Variants in DIAPH2 observed in about 807,000 individuals in gnomAD.
DIAPH2 encodes protein diaphanous homolog 2.
DIAPH2 carries 35 observed loss-of-function variants against 92.7 expected under a neutral mutation model. That is an observed-to-expected ratio of 0.38 (90% CI 0.29 to 0.50). The LOEUF (loss-of-function observed/expected upper bound fraction) is 0.50. Among genes scored for constraint, DIAPH2 ranks in the 20% least tolerant of loss-of-function variants. DIAPH2 has a pLI of 0.94. For synonymous variants in DIAPH2, 301 were observed against 280.4 expected (o/e 1.07, Z -0.73); for missense variants, 701 against 819.5 (o/e 0.86, Z 1.77).
chrX:96,984,157 G>A (rs1370768855), intron 17 of DIAPH2, among the ~76,000 whole-genome samples: 3 of 111,748 alleles, frequency 2.7e-5, no homozygotes, highest in South Asian at 3.7e-4. Flanking sequence ...TATGTGGAAG[G>A]GAAAGGTAAT....
At chrX:96,896,312 A>T (rs1335737878) in intron 5 of DIAPH2, among the ~76,000 whole-genome samples, 1 of 111,760 alleles carries the variant, frequency 8.9e-6, no homozygotes, top group Non-Finnish European at 1.9e-5. Context: ...ATATTTGTTC[A>T]TGAAAGGAAA....
chrX:97,165,579 T>C (rs1487042257), intron 22 of DIAPH2, among the ~76,000 whole-genome samples: 1 of 110,692 alleles, frequency 9.0e-6, no homozygotes, highest in African/African-American at 3.3e-5. Flanking sequence ...CTGCAACCTC[T>C]GTCCCCCGGG....
chrX:97,432,919 G>A (rs544914431), intron 26 of DIAPH2, among the ~76,000 whole-genome samples: 4 of 112,243 alleles, frequency 3.6e-5, no homozygotes, highest in Admixed American at 1.9e-4. Flanking sequence ...CACTGTGCCC[G>A]GCCATCTAAT....
At chrX:96,981,682 T>C (rs1264783863) in intron 17 of DIAPH2, among the ~76,000 whole-genome samples, 1 of 111,905 alleles carries the variant, frequency 8.9e-6, no homozygotes, top group Non-Finnish European at 1.9e-5. Flanking sequence ...AGCAGGGTGA[T>C]TCCGTAGCCT....
chrX:97,425,927 C>T (rs1478605623), intron 25 of DIAPH2, among the ~76,000 whole-genome samples: 4 of 109,691 alleles, frequency 3.6e-5, no homozygotes, highest in African/African-American at 6.6e-5. Context: ...TCTATTCTAT[C>T]CTTCTTCTAA....
chrX:96,913,068 A>G (rs773090982), intron 7 of DIAPH2, among the ~76,000 whole-genome samples: 58 of 110,626 alleles, frequency 5.2e-4, no homozygotes, highest in South Asian at 4.2e-3. Context: ...AAATCTTTTA[A>G]AAAATGGAGC....
chrX:97,538,936 A>T (rs189948859), intron 26 of DIAPH2, among the ~76,000 whole-genome samples: 150 of 112,396 alleles, frequency 1.3e-3, no homozygotes, highest in African/African-American at 4.5e-3. Flanking sequence ...TACTGAGAAT[A>T]ACTTGAACTA....
At chrX:97,256,655 T>TTTTGTTTG (rs750363840) in intron 23 of DIAPH2, among the ~76,000 whole-genome samples, 1 of 111,414 alleles carries the variant, frequency 9.0e-6, no homozygotes, top group African/African-American at 3.3e-5. Context: ...TTTCTTCTGT[T>TTTTGTTTG]TTTGTTTGTT....
intron 20 of DIAPH2, among the ~76,000 whole-genome samples, chrX:97,107,178 T>C (rs944555237): frequency 1.4e-4 from 16 of 111,565 alleles, no homozygotes; most frequent in African/African-American, 4.6e-4. Flanking sequence ...TTTTTTCTTT[T>C]TCTTTTTCTT....
At chrX:96,980,364 A>G (rs753019058) in intron 17 of DIAPH2, among the ~76,000 whole-genome samples, 1 of 111,088 alleles carries the variant, frequency 9.0e-6, no homozygotes, top group South Asian at 3.9e-4. Context: ...AAGTCCTGCC[A>G]ATCAAGCCGT....
intron 22 of DIAPH2, among the ~76,000 whole-genome samples, chrX:97,188,094 G>A (rs550512189): frequency 1.8e-5 from 2 of 111,961 alleles, no homozygotes; most frequent in Admixed American, 9.5e-5. Context: ...CTTTGGAGTA[G>A]AAGACGAAGA....
intron 17 of DIAPH2, among the ~76,000 whole-genome samples, chrX:97,060,831 A>G (rs2066592272): frequency 8.9e-6 from 1 of 112,485 alleles, no homozygotes; most frequent in African/African-American, 3.2e-5. Flanking sequence ...GGAGTTTGTC[A>G]TAGCTGAGCT....
intron 4 of DIAPH2, among the ~76,000 whole-genome samples, chrX:96,797,087 T>C (rs887173343): frequency 4.5e-5 from 5 of 112,245 alleles, no homozygotes; most frequent in Admixed American, 9.4e-5. Flanking sequence ...GTTGCAGATT[T>C]CTAAGATGAC....
At chrX:97,098,974 G>T (rs893654249) in intron 19 of DIAPH2, among the ~76,000 whole-genome samples, 1 of 112,132 alleles carries the variant, frequency 8.9e-6, no homozygotes, top group African/African-American at 3.2e-5. Context: ...TATAGACATT[G>T]TAGATAATGG....
At chrX:96,948,348 TGGATCTCCAGAGGTCA>T in intron 14 of DIAPH2, among the ~76,000 whole-genome samples, 1 of 111,801 alleles carries the variant, frequency 8.9e-6, no homozygotes, top group East Asian at 2.8e-4. Context: ...CCGAGGCAGG[TGGATCTCCAGAGGTCA>T]GGAGTTCAAG....
At chrX:96,761,676 G>A (rs1239587307) in intron 4 of DIAPH2, among the ~76,000 whole-genome samples, 6 of 110,987 alleles carry the variant, frequency 5.4e-5, no homozygotes, top group Non-Finnish European at 1.1e-4. Context: ...TCATTAAATG[G>A]GCCATATTCT....
intron 22 of DIAPH2, among the ~76,000 whole-genome samples, chrX:97,193,790 C>G (rs1183417455): frequency 2.7e-5 from 3 of 112,225 alleles, no homozygotes; most frequent in Non-Finnish European, 5.6e-5. Context: ...ACTACCTACT[C>G]ACTTTGCTTT....
intron 23 of DIAPH2, among the ~76,000 whole-genome samples, chrX:97,336,109 G>C (rs2069055927): frequency 9.0e-6 from 1 of 110,846 alleles, no homozygotes; most frequent in Non-Finnish European, 1.9e-5. Flanking sequence ...CCAGGTTTGA[G>C]TTTTAGTGCG....
intron 26 of DIAPH2, among the ~76,000 whole-genome samples, chrX:97,464,838 TTTG>T (rs1188852562): frequency 1.5e-3 from 171 of 111,607 alleles, no homozygotes; most frequent in African/African-American, 4.6e-3. Flanking sequence ...TATGTATGTT[TTTG>T]TTGTTGTTGT....
Sources: gnomAD v4.1 joint callset for allele counts (sites outside exome capture counted in the v4.1 genomes callset) on GRCh38, gnomAD v4.1.1 for gene constraint, MANE v1.5 for transcripts, NCBI Gene and HGNC (gene_info 2026-07-23, HGNC 2026-07-21) for gene names.